Variants in USF3 observed in about 807,000 individuals in gnomAD.
The protein encoded by USF3 is basic helix-loop-helix domain-containing protein USF3.
USF3 carries 29 observed loss-of-function variants against 157.5 expected under a neutral mutation model. The observed-to-expected ratio is 0.18, with a 90% CI of 0.14 to 0.25. USF3 has a LOEUF of 0.25. USF3 is among the 10% of genes least tolerant of loss of function. The pLI, the probability that USF3 is intolerant of heterozygous loss-of-function variation, is 1.00. For missense variants in USF3, 2,381 were observed against 2,667.6 expected (o/e 0.89, Z 2.37); for synonymous variants, 893 against 941.4 (o/e 0.95, Z 0.94).
At position 113,649,341 on chromosome 3, in the gene USF3, T is replaced by G. The variant is rs567310802; in HGVS notation, c.*5603A>C. 1.3e-5 allele frequency: 2 copies of G among 153,356 alleles called. No homozygotes were observed. The highest frequency in any genetic ancestry group is 4.1e-4 in the South Asian group (2 of 4,828). The allele number at this position is 153,356 out of a possible 1,614,324, so 9.5% of individuals were successfully genotyped here. On this transcript the variant is annotated 3_prime_UTR_variant, in exon 7 of 7. Coordinates refer to ENST00000316407, the MANE Select transcript of USF3 (RefSeq NM_001009899.4). ...TCCCCAATTTGTATATTATGTCCAA[T>G]GTTTACAACCCAAGTTGGCTCACGT...
At chr3:113,661,867 G>C (rs1947492049) in intron 6 of USF3, among the ~76,000 whole-genome samples, 1 of 152,150 alleles carries the variant, frequency 6.6e-6, no homozygotes, top group Non-Finnish European at 1.5e-5. Flanking sequence ...ATTCTTTTGA[G>C]ACAGAGTCTT....
intron 1 of USF3, among the ~76,000 whole-genome samples, chr3:113,689,744 G>A (rs1234319588): frequency 2.0e-5 from 3 of 152,194 alleles, no homozygotes; most frequent in Non-Finnish European, 2.9e-5. Flanking sequence ...TTCCTTGGAG[G>A]TCAGGGGCTA....
At position 113,650,035 on chromosome 3, in the gene USF3, A is replaced by G; in HGVS notation, c.*4909T>C. The G allele has an allele frequency of 1.7e-6, 1 of 599,298 alleles. No homozygotes were observed. The highest frequency in any genetic ancestry group is 3.0e-6 in the Non-Finnish European group (1 of 337,270). The allele number at this position is 599,298 out of a possible 1,614,324, so 37.1% of individuals were successfully genotyped here. ...TCATCACTCACAGATTAACTTCACT[A>G]GTTTGTCTGGTTGTTGGCTATTACT... On this transcript the variant is annotated 3_prime_UTR_variant, in exon 7 of 7. Coordinates refer to ENST00000316407, the MANE Select transcript of USF3 (RefSeq NM_001009899.4).
chr3:113,679,079 TC>T (rs1707350951), intron 1 of USF3, among the ~76,000 whole-genome samples: 1 of 150,518 alleles, frequency 6.6e-6, no homozygotes, highest in African/African-American at 2.4e-5. Flanking sequence ...GCCGCAGTCT[TC>T]CAAAGTGCTT....
chr3:113,652,677 T>C lies in USF3; in HGVS notation c.*2267A>G. On this transcript the variant is annotated 3_prime_UTR_variant, in exon 7 of 7. Coordinates refer to ENST00000316407, the MANE Select transcript of USF3 (RefSeq NM_001009899.4). The stretch of plus-strand genomic sequence containing the variant: ...AGGATTAAAAAAAAAGGGGGGGGCC[T>C]GGGAGGGGTGACTCATGCCTGTAAT... 6.8e-6 allele frequency: 1 copy of C among 146,666 alleles called. No homozygotes were observed. Among genetic ancestry groups the C allele is most frequent in the Non-Finnish European group, 1.5e-5 (1 of 67,034 alleles). 9.1% of individuals were successfully genotyped at this position (146,666 alleles called of 1,614,324 possible). A position where few individuals can be genotyped will look rare whatever the true frequency, so the allele number is the denominator to read the frequency against.
chr3:113,690,900 A>C (rs1707668138), intron 1 of USF3, among the ~76,000 whole-genome samples: 1 of 152,064 alleles, frequency 6.6e-6, no homozygotes, highest in Non-Finnish European at 1.5e-5. Flanking sequence ...AAATATCCTT[A>C]TTCAGGGCCA....
In USF3 at chr3:113,659,959, T is replaced by C. The variant is rs1257870647; in HGVS notation, c.1723A>G (p.Thr575Ala). The change falls in exon 7 of 7, where the codon ACA becomes GCA. Residue 575 changes from threonine (T) to alanine (A), a missense_variant. Transcript: ENST00000316407. ...TVMRAEVSNQ[T>A]VGQQIVIIQA... ...ATGATTACTATCTGTTGACCTACTG[T>C]TTGGTTGGAAACTTCTGCCCTCATC... 4 of 1,614,162 alleles carry C rather than the reference T, an allele frequency of 2.5e-6. No individual in the cohort carries two copies. The South Asian group carries it at 3.3e-5, about 13-fold the overall frequency.
rs774910240 is a variant in USF3 at position 113,659,072 on chromosome 3, T to C, written c.2610A>G (p.Leu870=). The C allele has an allele frequency of 2.4e-5, 38 of 1,614,006 alleles. No individual in the cohort carries two copies. Among genetic ancestry groups the C allele is most frequent in the Admixed American group, 6.7e-5 (4 of 59,998 alleles). The change falls in exon 7 of 7, where the codon CTA becomes CTG. Residue 870 remains leucine, a synonymous_variant. Transcript: ENST00000316407. ...SVSASHSLGV[L]SSESLIPESV... ...ACTCAGGTATTAATGATTCAGAGCT[T>C]AGAACACCCAAAGAATGTGAAGCAG...
In USF3 at chr3:113,654,326, A is replaced by G. The variant is rs1271964448; in HGVS notation, c.*618T>C. 1 of 152,690 alleles carries G rather than the reference A, an allele frequency of 6.5e-6. No individual in the cohort carries two copies. Among genetic ancestry groups the G allele is most frequent in the African/African-American group, 2.4e-5 (1 of 41,470 alleles). 9.5% of individuals were successfully genotyped at this position (152,690 alleles called of 1,614,324 possible). A position where few individuals can be genotyped will look rare whatever the true frequency, so the allele number is the denominator to read the frequency against. On this transcript the variant is annotated 3_prime_UTR_variant, in exon 7 of 7. Transcript: ENST00000316407. ...ACAGCTCCCTAATTTGAAGAACAAG[A>G]CATAAAATTCAGATAATTTATGCAT...
intron 1 of USF3, among the ~76,000 whole-genome samples, chr3:113,682,294 C>G (rs1303667354): frequency 6.6e-6 from 1 of 151,748 alleles, no homozygotes; most frequent in Non-Finnish European, 1.5e-5. Flanking sequence ...CACCGCACTT[C>G]AGCTTGGGAG....
At position 113,656,031 on chromosome 3, in the gene USF3, C is replaced by T. The variant is rs1160961932; in HGVS notation, c.5651G>A (p.Gly1884Asp). The T allele has an allele frequency of 2.5e-6, 4 of 1,614,170 alleles. No homozygotes were observed. The highest frequency in any genetic ancestry group is 1.7e-4 in the Middle Eastern group (1 of 6,060). ...GGTGCTGTTCCTGGTGTTAATTGCA[C>T]CTAACGACATGTCACAACTTTCCCT... is the stretch of plus-strand genomic sequence containing the variant. ...QNRESCDMSL[G>D]AINTRNSTLN... Residue 1884 changes from glycine to aspartate, a missense_variant, in exon 7 of 7, where the codon GGT (glycine) becomes GAT (aspartate). Coordinates refer to ENST00000316407, the MANE Select transcript of USF3 (RefSeq NM_001009899.4).
Position 113,664,337 on chromosome 3 carries a change from G to A in USF3, c.232C>T (p.Leu78Phe). The A allele has an allele frequency of 1.2e-6, 2 of 1,601,930 alleles. No individual in the cohort carries two copies. The highest frequency in any genetic ancestry group is 4.5e-5 in the East Asian group (2 of 44,718). Residue 78 changes from leucine to phenylalanine, a missense_variant, in exon 6 of 7, where the codon CTT becomes TTT. Physicochemically the swap from Leu to Phe is conservative, Grantham distance 22 (BLOSUM62 0). This residue lies in a region of USF3 where 105 missense variants were observed against 158.6 expected (regional missense o/e 0.66). Coordinates refer to ENST00000316407, the MANE Select transcript of USF3 (RefSeq NM_001009899.4). ...CCTTGTTCATTGTTTCCTCCATTAA[G>A]CAGGAGTTCATCATTTTGCCTTTTC... The part of the protein sequence containing the change: ...ELKRQNDELL[L>F]NGGNNEQAEE...
intron 1 of USF3, among the ~76,000 whole-genome samples, chr3:113,695,551 G>C (rs1037931469): frequency 6.6e-6 from 1 of 152,194 alleles, no homozygotes; most frequent in Non-Finnish European, 1.5e-5. Flanking sequence ...TGATCTGTGT[G>C]GTGTTAGGTT....
intron 1 of USF3, among the ~76,000 whole-genome samples, chr3:113,682,300 G>T (rs1442155333): frequency 6.6e-6 from 1 of 151,916 alleles, no homozygotes. Context: ...ACTTCAGCTT[G>T]GGAGACAGAG....
rs1947380405 is a variant in USF3, at chr3:113,657,267, TGC to T, written c.4413_4414del (p.Gln1472AlafsTer36). The T allele has an allele frequency of 1.2e-5, 4 of 345,964 alleles. No individual in the cohort carries two copies. The highest frequency in any genetic ancestry group is 1.1e-4 in the Admixed American group (1 of 9,428). The allele number at this position is 345,964 out of a possible 1,614,324, so 21.4% of individuals were successfully genotyped here. A position where few individuals can be genotyped will look rare whatever the true frequency, so the allele number is the denominator to read the frequency against. On this transcript the variant is annotated frameshift_variant, in exon 7 of 7. Transcript: ENST00000316407. LOFTEE classifies it high-confidence loss of function. ...CCCTGCTTGTTGTTGTTGCTGTTGC[TGC>T]TGCTGCTGCTGCTGCTGCTGCTGCT...
Position 113,659,305 on chromosome 3 carries a change from T to C in USF3, c.2377A>G (p.Lys793Glu), listed in dbSNP as rs1427893883. 4 of 1,614,224 alleles carry C rather than the reference T, an allele frequency of 2.5e-6. No homozygotes were observed. The highest frequency in any genetic ancestry group is 4.5e-5 in the East Asian group (2 of 44,886). ...TVACLPNMKS[K>E]RLNKKPGGRK... Reference sequence around the variant, plus strand: ...CCACCTGGCTTCTTATTCAACCTTTTAGATTTCATGTTAGGCAAACAAGCA... The same window carrying C: ...CCACCTGGCTTCTTATTCAACCTTTCAGATTTCATGTTAGGCAAACAAGCA... The change falls in exon 7 of 7, where the codon AAA becomes GAA. Residue 793 changes from lysine to glutamate, a missense_variant. Lys to Glu is a moderately conservative substitution (Grantham distance 56, BLOSUM62 1). Coordinates refer to ENST00000316407, the MANE Select transcript of USF3 (RefSeq NM_001009899.4).
rs1220239334 is a variant in USF3 at position 113,658,842 on chromosome 3, G to C, written c.2840C>G (p.Ser947Cys). 1.9e-6 allele frequency: 3 copies of C among 1,614,048 alleles called. No homozygotes were observed. The highest frequency in any genetic ancestry group is 2.5e-6 in the Non-Finnish European group (3 of 1,180,010). Reference sequence around the variant, plus strand: ...AACCAAAATGTGAGGATCACTTGGAGATGGAATCAATACATTGGCTGAAGC... The same window carrying C: ...AACCAAAATGTGAGGATCACTTGGACATGGAATCAATACATTGGCTGAAGC... Reference protein sequence around the residue: ...PCASANVLIPSPSDPHILVSQ... With the variant: ...PCASANVLIPCPSDPHILVSQ... The change falls in exon 7 of 7, where the codon TCT becomes TGT. Residue 947 changes from serine (S) to cysteine (C), a missense_variant. Physicochemically the swap from Ser to Cys is moderately radical, Grantham distance 112 (BLOSUM62 -1). Around this residue, in one of 6 missense-constraint regions of USF3, gnomAD observed 1,435 missense variants for 1,550.9 expected, o/e 0.93. Coordinates refer to ENST00000316407, the MANE Select transcript of USF3 (RefSeq NM_001009899.4).
rs1391597922 is a variant in USF3, at chr3:113,658,913, A to G, written c.2769T>C (p.Asp923=). The change falls in exon 7 of 7, where the codon GAT becomes GAC. Residue 923 remains aspartate, a synonymous_variant. Coordinates refer to ENST00000316407, the MANE Select transcript of USF3 (RefSeq NM_001009899.4). ...TPNLQQETSQ[D]KPPSSLALSD... ...ATAATGCTAAACTACTTGGTGGTTT[A>G]TCCTGAGATGTCTCTTGTTGTAGAT... 1.9e-6 allele frequency: 3 copies of G among 1,614,094 alleles called. No homozygotes were observed. The African/African-American group carries it at 4.0e-5, about 22-fold the overall frequency.
At chr3:113,665,592 C>T (rs1947552067) in intron 5 of USF3, among the ~76,000 whole-genome samples, 3 of 152,062 alleles carry the variant, frequency 2.0e-5, no homozygotes, top group South Asian at 2.1e-4. Context: ...TTTGGGAGGC[C>T]GAGGCGGGCA....
Sources: gnomAD v4.1 joint callset for allele counts (sites outside exome capture counted in the v4.1 genomes callset) on GRCh38, gnomAD v4.1.1 for gene constraint, gnomAD v4.1.1 regional missense constraint, MANE v1.5 for transcripts, NCBI Gene and HGNC (gene_info 2026-07-23, HGNC 2026-07-21) for gene names.